The following AXDND1 variants were observed in gnomAD, a reference collection of about 807,000 sequenced individuals.
The protein encoded by AXDND1 is axonemal dynein light chain domain-containing protein 1.
In AXDND1, 110 loss-of-function variants were observed where a neutral mutation model predicts 137.5. That is an observed-to-expected ratio of 0.80 (90% confidence interval 0.69 to 0.94). AXDND1 has a LOEUF of 0.94. Ranked by LOEUF, AXDND1 falls within the 40% of genes least tolerant of loss-of-function variation. The probability of loss-of-function intolerance (pLI) is 0.00; values close to 1 mark genes in which losing one functional copy is unlikely to be tolerated. For missense variants in AXDND1, 1,191 were observed against 1,169.8 expected (o/e 1.02, Z -0.26); for synonymous variants, 414 against 399.7 (o/e 1.04, Z -0.43).
intron 11 of AXDND1, among the ~76,000 whole-genome samples, chr1:179,401,146 T>C (rs894629136): frequency 5.3e-5 from 8 of 150,408 alleles, no homozygotes; most frequent in African/African-American, 2.0e-4. Context: ...TAATCCCAGC[T>C]ACTTGGGAGG....
chr1:179,398,631 G>A (rs780957678), intron 11 of AXDND1, among the ~76,000 whole-genome samples: 4 of 151,988 alleles, frequency 2.6e-5, no homozygotes, highest in Non-Finnish European at 5.9e-5. Flanking sequence ...GCACAGTTGT[G>A]CTGGTGGTGG....
In AXDND1 at chr1:179,411,215, A is replaced by G. The variant is rs1653813326; in HGVS notation, c.1179A>G (p.Leu393=). 1 of 1,612,898 alleles carries G rather than the reference A, an allele frequency of 6.2e-7. No individual in the cohort carries two copies. Among genetic ancestry groups the G allele is most frequent in the Non-Finnish European group, 8.5e-7 (1 of 1,179,576 alleles). Residue 393 remains leucine (L), a synonymous_variant, in exon 12 of 26, where the codon TTA becomes TTG. Coordinates refer to ENST00000367618, the MANE Select transcript of AXDND1 (RefSeq NM_144696.6). Reference sequence around the variant, plus strand: ...GGATGGAGAATGATATGAAAAAGTTAGTGGCAGAAAGAGATATCTGGAGCT... The same window carrying G: ...GGATGGAGAATGATATGAAAAAGTTGGTGGCAGAAAGAGATATCTGGAGCT... ...RERMENDMKK[L]VAERDIWSSA... is the part of the protein sequence containing the mutation.
rs192297516 is a variant in AXDND1, at chr1:179,410,403, G to A, written c.1110-743G>A. On this transcript the variant is annotated intron_variant, in intron 11 of 25. Coordinates refer to ENST00000367618, the MANE Select transcript of AXDND1 (RefSeq NM_144696.6). ...ACGCCACCACACCTGGCTAATTTTT[G>A]TATTTGTAGAGACGAGGTTTCACCA... is the stretch of plus-strand genomic sequence containing the variant. 5.3e-3 allele frequency among the ~76,000 whole-genome samples: 803 copies of A among 152,224 alleles called. 9 individuals are homozygous for A. Among genetic ancestry groups the A allele is most frequent in the African/African-American group, 0.019 (779 of 41,540 alleles).
chr1:179,425,833 C>T (rs1656481085), intron 12 of AXDND1, among the ~76,000 whole-genome samples: 1 of 123,970 alleles, frequency 8.1e-6, no homozygotes, highest in South Asian at 2.7e-4. Flanking sequence ...AATGTGGAAG[C>T]TCTTTTTTTT....
chr1:179,538,888 CATATA>C (rs767605289), intron 25 of AXDND1, among the ~76,000 whole-genome samples: 6,987 of 152,174 alleles, frequency 0.046, 237 homozygotes, highest in Non-Finnish European at 0.07. Flanking sequence ...GTATTGGGTG[CATATA>C]TATTTAGGAG....
chr1:179,524,714 A>G (rs1472848316), intron 21 of AXDND1, among the ~76,000 whole-genome samples: 1 of 151,940 alleles, frequency 6.6e-6, no homozygotes, highest in Non-Finnish European at 1.5e-5. Context: ...CCTTCTCTTC[A>G]TTCCCGCAGC....
intron 21 of AXDND1, among the ~76,000 whole-genome samples, chr1:179,509,720 T>C (rs917367985): frequency 6.6e-6 from 1 of 152,184 alleles, no homozygotes; most frequent in African/African-American, 2.4e-5. Flanking sequence ...TTCCCTCCCC[T>C]CCAGTCTCAG....
intron 25 of AXDND1, among the ~76,000 whole-genome samples, chr1:179,536,023 T>C (rs1399436398): frequency 6.6e-6 from 1 of 152,266 alleles, no homozygotes; most frequent in African/African-American, 2.4e-5. Flanking sequence ...ATGTCTTCTT[T>C]TGAGAAGTGT....
chr1:179,456,476 A>G (rs1036307247), intron 16 of AXDND1: 2 of 768,396 alleles, frequency 2.6e-6, no homozygotes, highest in African/African-American at 1.7e-5. Flanking sequence ...TGTTATAGCT[A>G]TTATAGCTGC....
In AXDND1 at chr1:179,530,285, TC is replaced by T. The variant is rs1670928582; in HGVS notation, c.2715+1857del. ...ACCTCATGATCCGCCTGCTTCGGCC[TC>T]CCAAAGTGCTGGGATTACAGGCGTG... On this transcript the variant is annotated intron_variant, in intron 23 of 25. Coordinates refer to ENST00000367618, the MANE Select transcript of AXDND1 (RefSeq NM_144696.6). 2.0e-5 allele frequency among the ~76,000 whole-genome samples: 3 copies of T among 152,270 alleles called. No homozygotes were observed. In the South Asian group the frequency reaches 6.2e-4, roughly 32 times the overall value.
In AXDND1 at chr1:179,482,837, G is replaced by A. The variant is rs924950420; in HGVS notation, c.1998-291G>A. Among the ~76,000 whole-genome samples, 3 of 151,664 alleles carry A rather than the reference G, an allele frequency of 2.0e-5. No individual in the cohort carries two copies. The Admixed American group carries it at 2.0e-4, about 10-fold the overall frequency. On this transcript the variant is annotated intron_variant, in intron 17 of 25. Transcript: ENST00000367618. ...CTTCTCACATAGTACTGGCCTGGAAGTAAATGTAAAGGGTGTAAGTTTTTA... is the reference window on the plus strand; with the variant it reads ...CTTCTCACATAGTACTGGCCTGGAAATAAATGTAAAGGGTGTAAGTTTTTA...
intron 17 of AXDND1, among the ~76,000 whole-genome samples, chr1:179,474,099 C>T (rs1384885959): frequency 3.3e-5 from 5 of 151,818 alleles, no homozygotes; most frequent in Admixed American, 6.6e-5. Context: ...GTGGTGGGTG[C>T]CTGTAATCCC....
At chr1:179,439,662 C>A (rs867186279) in intron 15 of AXDND1, among the ~76,000 whole-genome samples, 58 of 152,298 alleles carry the variant, frequency 3.8e-4, no homozygotes, top group African/African-American at 1.4e-3. Flanking sequence ...GTCCCTGATG[C>A]TCCAGTAGTT....
rs1278035225 is a variant in AXDND1, at chr1:179,543,967, T to C, written c.3031+9005T>C. On this transcript the variant is annotated intron_variant, in intron 25 of 25. Coordinates refer to ENST00000367618, the MANE Select transcript of AXDND1 (RefSeq NM_144696.6). Reference sequence around the variant, plus strand: ...CATGCAAGGACGGTGCTCTCAACATTAAATCTGGAATCCAGACTACATCCA... The same window carrying C: ...CATGCAAGGACGGTGCTCTCAACATCAAATCTGGAATCCAGACTACATCCA... 3 of 152,666 alleles carry C rather than the reference T, an allele frequency of 2.0e-5. No homozygotes were observed. In the East Asian group the frequency reaches 5.8e-4, roughly 29 times the overall value. The allele number at this position is 152,666 out of a possible 1,614,324, so 9.5% of individuals were successfully genotyped here. A position where few individuals can be genotyped will look rare whatever the true frequency, so the allele number is the denominator to read the frequency against.
Position 179,551,709 on chromosome 1 carries a change from G to A in AXDND1, c.3032-2803G>A, listed in dbSNP as rs2274625. 94,876 of 485,646 alleles carry A rather than the reference G, an allele frequency of 0.2. 10,587 individuals carry two copies. The highest frequency in any genetic ancestry group is 0.36 in the East Asian group (9,999 of 27,856). The allele number at this position is 485,646 out of a possible 1,614,324, so 30.1% of individuals were successfully genotyped here. A position where few individuals can be genotyped will look rare whatever the true frequency, so the allele number is the denominator to read the frequency against. On this transcript the variant is annotated intron_variant, in intron 25 of 25. Coordinates refer to ENST00000367618, the MANE Select transcript of AXDND1 (RefSeq NM_144696.6). ...GTATTAGGGGAGTTATTAGCATCTG[G>A]TGGGCCTTGAAAGATTAGGATTTTG...
At chr1:179,528,022 A>C (rs894990867) in intron 22 of AXDND1, among the ~76,000 whole-genome samples, 1 of 152,192 alleles carries the variant, frequency 6.6e-6, no homozygotes, top group Non-Finnish European at 1.5e-5. Context: ...TGCTAACAGT[A>C]ATCATGTTAT....
At chr1:179,486,139 A>AAAAAAAACAAAAAAAACAAAAAACT (rs149119239) in intron 18 of AXDND1, among the ~76,000 whole-genome samples, 1 of 87,770 alleles carries the variant, frequency 1.1e-5, no homozygotes. Context: ...AAAAAAAAAA[A>AAAAAAAACAAAAAAAACAAAAAACT]AACCTGATAG....
chr1:179,396,579 C>T (rs183206203), intron 11 of AXDND1, among the ~76,000 whole-genome samples: 12 of 151,618 alleles, frequency 7.9e-5, no homozygotes, highest in East Asian at 3.9e-4. Flanking sequence ...ACCCAGGAGG[C>T]GGAGGTTGCA....
In AXDND1 at chr1:179,416,832, C is replaced by T. The variant is rs562584644; in HGVS notation, c.1230+5566C>T. On this transcript the variant is annotated intron_variant, in intron 12 of 25. Coordinates refer to ENST00000367618, the MANE Select transcript of AXDND1 (RefSeq NM_144696.6). ...GAGATCTACCTGTCTTGTGGCTACC[C>T]TAGACAATGCTTCTGTTAGTTTCCC... 5.5e-4 allele frequency among the ~76,000 whole-genome samples: 84 copies of T among 152,326 alleles called. No homozygotes were observed. In the South Asian group the frequency reaches 7.7e-3, roughly 14 times the overall value.
Sources: allele counts gnomAD v4.1 joint callset (sites outside exome capture counted in the v4.1 genomes callset), GRCh38; gene constraint gnomAD v4.1.1; transcripts MANE v1.5; gene names NCBI Gene and HGNC (gene_info 2026-07-23, HGNC 2026-07-21).